Variants in KCNJ12 observed in about 807,000 individuals in gnomAD.
KCNJ12 encodes the protein ATP-sensitive inward rectifier potassium channel 12.
A neutral mutation model predicts 22.3 loss-of-function variants in KCNJ12; 2 were observed. The observed-to-expected ratio is 0.09, with a 90% CI of 0.04 to 0.28. The LOEUF (loss-of-function observed/expected upper bound fraction) is 0.28, where lower values mean the gene tolerates loss of function less well. Ranked by LOEUF, KCNJ12 falls within the 10% of genes least tolerant of loss-of-function variation. KCNJ12 has a pLI of 1.00. For missense variants in KCNJ12, 155 were observed against 633.3 expected (o/e 0.24, Z 8.11); for synonymous variants, 117 against 261.4 (o/e 0.45, Z 5.33).
In KCNJ12 at chr17:21,385,113, C is replaced by G. The variant is rs114445270; in HGVS notation, c.-179+8200C>G. Among the ~76,000 whole-genome samples the G allele has an allele frequency of 6.3e-3, 963 of 152,314 alleles. 8 individuals are homozygous for G. The highest frequency in any genetic ancestry group is 0.022 in the African/African-American group (912 of 41,566). ...TTGACCTGTCTCCAAGCTTCCGCAT[C>G]TCAGTGCCTGTCCCATCCTTGTCAT... On this transcript the variant is annotated intron_variant, in intron 1 of 2. Transcript: ENST00000583088.
intron 1 of KCNJ12, among the ~76,000 whole-genome samples, chr17:21,383,201 G>A (rs1402765929): frequency 3.3e-5 from 5 of 152,268 alleles, no homozygotes; most frequent in Admixed American, 6.5e-5. Context: ...GCCCCTGCCC[G>A]CCCCGCTTGC....
intron 1 of KCNJ12, among the ~76,000 whole-genome samples, chr17:21,396,551 C>T (rs1310967132): frequency 1.3e-5 from 2 of 152,070 alleles, no homozygotes; most frequent in East Asian, 3.9e-4. Flanking sequence ...GGGTTCTAGC[C>T]AGCTTGGTTC....
chr17:21,406,807 A>C (rs60809335), intron 1 of KCNJ12, among the ~76,000 whole-genome samples: 27,422 of 145,458 alleles, frequency 0.19, 1 homozygote, highest in African/African-American at 0.4. Context: ...CCTTGGCTGT[A>C]ACCTTGGAAA....
chr17:21,405,670 G>A (rs533424246), intron 1 of KCNJ12, among the ~76,000 whole-genome samples: 2 of 152,404 alleles, frequency 1.3e-5, no homozygotes, highest in African/African-American at 4.8e-5. Flanking sequence ...GCCCTCAGTC[G>A]TGGTCATGGG....
At chr17:21,397,295 C>T (rs1905398627) in intron 1 of KCNJ12, among the ~76,000 whole-genome samples, 1 of 152,204 alleles carries the variant, frequency 6.6e-6, no homozygotes, top group Non-Finnish European at 1.5e-5. Context: ...GCTGCGATCA[C>T]AGCTCCTGCT....
chr17:21,399,404 G>T (rs1025253386), intron 1 of KCNJ12, among the ~76,000 whole-genome samples: 19 of 152,226 alleles, frequency 1.2e-4, no homozygotes, highest in Non-Finnish European at 1.9e-4. Context: ...GGCCATCTCA[G>T]TGGCCACCCA....
chr17:21,383,972 G>A (rs1904978803), intron 1 of KCNJ12, among the ~76,000 whole-genome samples: 1 of 152,046 alleles, frequency 6.6e-6, no homozygotes, highest in Non-Finnish European at 1.5e-5. Context: ...ACAGTTGTAA[G>A]GGGAAAAGTG....
intron 1 of KCNJ12, among the ~76,000 whole-genome samples, chr17:21,397,296 A>C (rs1002594123): frequency 6.6e-6 from 1 of 152,188 alleles, no homozygotes; most frequent in African/African-American, 2.4e-5. Flanking sequence ...CTGCGATCAC[A>C]GCTCCTGCTG....
rs58836229 is a variant in KCNJ12, at chr17:21,398,091, ATGTG to A, written c.-178-10402_-178-10399del. Among the ~76,000 whole-genome samples, 1,209 of 146,798 alleles carry A rather than the reference ATGTG, an allele frequency of 8.2e-3. 10 individuals are homozygous for A. The highest frequency in any genetic ancestry group is 0.023 in the African/African-American group (919 of 40,404). On this transcript the variant is annotated intron_variant, in intron 1 of 2. Transcript: ENST00000583088. ...GGGACATAGCCCTGGACGTGTGTGT[ATGTG>A]TGTGTGTGTGTGTGTGTGTGTGTGT... is the stretch of plus-strand genomic sequence containing the variant.
At chr17:21,409,322 T>G (rs1471296099) in intron 2 of KCNJ12, among the ~76,000 whole-genome samples, 1 of 149,968 alleles carries the variant, frequency 6.7e-6, no homozygotes, top group Non-Finnish European at 1.5e-5. Flanking sequence ...AGGAGGAGAC[T>G]TGGTGTGGGG....
chr17:21,383,971 AG>A (rs1904982144), intron 1 of KCNJ12, among the ~76,000 whole-genome samples: 1 of 152,108 alleles, frequency 6.6e-6, no homozygotes, highest in Non-Finnish European at 1.5e-5. Flanking sequence ...AACAGTTGTA[AG>A]GGGAAAAGTG....
chr17:21,380,666 A>G (rs1455316884), intron 1 of KCNJ12, among the ~76,000 whole-genome samples: 2 of 151,948 alleles, frequency 1.3e-5, no homozygotes, highest in Admixed American at 1.3e-4. Flanking sequence ...GGATCTGGGA[A>G]GGAGGGGGTG....
chr17:21,403,037 T>C (rs1363590047), intron 1 of KCNJ12, among the ~76,000 whole-genome samples: 1 of 152,308 alleles, frequency 6.6e-6, no homozygotes, highest in African/African-American at 2.4e-5. Flanking sequence ...AAGTACTGGG[T>C]CCTAGGGGCT....
intron 1 of KCNJ12, among the ~76,000 whole-genome samples, chr17:21,401,747 G>C (rs1905632818): frequency 6.6e-6 from 1 of 152,240 alleles, no homozygotes; most frequent in Non-Finnish European, 1.5e-5. Context: ...CAGAATCCTA[G>C]TTCCCAATCC....
chr17:21,380,143 T>C (rs941675551), intron 1 of KCNJ12, among the ~76,000 whole-genome samples: 3 of 152,186 alleles, frequency 2.0e-5, no homozygotes, highest in Non-Finnish European at 1.5e-5. Context: ...ACACAGGGCC[T>C]GAGGCCTGCA....
chr17:21,407,128 C>A (rs1205976464), intron 1 of KCNJ12, among the ~76,000 whole-genome samples: 1 of 152,298 alleles, frequency 6.6e-6, no homozygotes, highest in Non-Finnish European at 1.5e-5. Flanking sequence ...GCCCAAACAC[C>A]CTATCCATCC....
chr17:21,388,447 G>A (rs1905130311), intron 1 of KCNJ12, among the ~76,000 whole-genome samples: 1 of 152,190 alleles, frequency 6.6e-6, no homozygotes, highest in Admixed American at 6.5e-5. Flanking sequence ...CTGGAGGTGG[G>A]TGTAGGTGGG....
At chr17:21,392,661 A>G (rs1474847517) in intron 1 of KCNJ12, among the ~76,000 whole-genome samples, 3 of 152,122 alleles carry the variant, frequency 2.0e-5, no homozygotes, top group Non-Finnish European at 4.4e-5. Flanking sequence ...ATCCTCCTCG[A>G]GTGGGTTCAG....
At chr17:21,395,714 T>C (rs1490398445) in intron 1 of KCNJ12, among the ~76,000 whole-genome samples, 1 of 151,174 alleles carries the variant, frequency 6.6e-6, no homozygotes, top group African/African-American at 2.4e-5. Flanking sequence ...CTCATGACAA[T>C]CACATCATAT....
Sources: gnomAD v4.1 joint callset for allele counts (sites outside exome capture counted in the v4.1 genomes callset) on GRCh38, gnomAD v4.1.1 for gene constraint, MANE v1.5 for transcripts, NCBI Gene and HGNC (gene_info 2026-07-23, HGNC 2026-07-21) for gene names.